Variants in ROR2 observed in about 807,000 individuals in gnomAD.
ROR2 encodes the protein tyrosine-protein kinase transmembrane receptor ROR2.
ROR2 carries 33 observed loss-of-function variants against 74.9 expected under a neutral mutation model. That is an observed-to-expected ratio of 0.44 (90% CI 0.33 to 0.59). ROR2 has a LOEUF of 0.59. ROR2 is among the 20% of genes least tolerant of loss of function. The pLI is 0.02. For synonymous variants in ROR2, 586 were observed against 558.7 expected (o/e 1.05, Z -0.69); for missense variants, 1,216 against 1,313.8 (o/e 0.93, Z 1.15).
intron 1 of ROR2, among the ~76,000 whole-genome samples, chr9:91,932,614 AG>A (rs1831577360): frequency 6.6e-6 from 1 of 152,070 alleles, no homozygotes; most frequent in Non-Finnish European, 1.5e-5. Context: ...CAGTGAGCCA[AG>A]ATTGCGCCAT....
At chr9:91,891,807 G>A (rs1369271339) in intron 1 of ROR2, among the ~76,000 whole-genome samples, 1 of 151,986 alleles carries the variant, frequency 6.6e-6, no homozygotes, top group Non-Finnish European at 1.5e-5. Flanking sequence ...CAGCACTTTA[G>A]GAGGCCAAGA....
At chr9:91,874,326 C>T (rs897551771) in intron 1 of ROR2, among the ~76,000 whole-genome samples, 4 of 152,244 alleles carry the variant, frequency 2.6e-5, no homozygotes, top group Non-Finnish European at 5.9e-5. Flanking sequence ...AAGTGGCACA[C>T]GTGTCCCAGG....
chr9:91,737,482 G>A lies in ROR2; in HGVS notation c.531C>T (p.Tyr177=), dbSNP rs762437556. 2 of 1,614,154 alleles carry A rather than the reference G, an allele frequency of 1.2e-6. No individual in the cohort carries two copies. Among genetic ancestry groups the A allele is most frequent in the South Asian group, 2.2e-5 (2 of 91,078 alleles). ...TGAAGCGTGCACAGGCAATTCCCCG[G>A]TAAGGCTGGCAGAACCCATCCTCGT... is the stretch of plus-strand genomic sequence containing the variant. ...DYHEDGFCQP[Y]RGIACARFIG... The change falls in exon 5 of 9, where the codon TAC becomes TAT. Residue 177 remains tyrosine (Y), a synonymous_variant. Transcript: ENST00000375708.
rs5899143 is a variant in ROR2, at chr9:91,845,877, C to CAAAAA, written c.98-70064_98-70060dup. On this transcript the variant is annotated intron_variant, in intron 1 of 8. Transcript: ENST00000375708. ...TGGGCAACAGAGCAAGAATCCATCTCAAAAAAAAAAAAAAAAAAAAAAAAA... is the reference window on the plus strand; with the variant it reads ...TGGGCAACAGAGCAAGAATCCATCTCAAAAAAAAAAAAAAAAAAAAAAAAAAAAAA... 3.4e-3 allele frequency among the ~76,000 whole-genome samples: 115 copies of CAAAAA among 33,898 alleles called. 4 individuals carry two copies. Among genetic ancestry groups the CAAAAA allele is most frequent in the Non-Finnish European group, 4.3e-3 (64 of 14,754 alleles). 22.2% of individuals were successfully genotyped at this position (33,898 alleles called of 152,430 possible).
intron 1 of ROR2, among the ~76,000 whole-genome samples, chr9:91,870,717 A>G (rs542909595): frequency 1.3e-5 from 2 of 152,390 alleles, no homozygotes; most frequent in Non-Finnish European, 2.9e-5. Flanking sequence ...ATATTTCAAC[A>G]AATCTGGACT....
intron 1 of ROR2, among the ~76,000 whole-genome samples, chr9:91,810,430 T>C (rs1827712340): frequency 6.6e-6 from 1 of 152,092 alleles, no homozygotes; most frequent in Non-Finnish European, 1.5e-5. Context: ...TGCCTTCTGC[T>C]TGAACAGATG....
At position 91,946,362 on chromosome 9, in the gene ROR2, C is replaced by G. The variant is rs543714345; in HGVS notation, c.97+3505G>C. 2.4e-3 allele frequency among the ~76,000 whole-genome samples: 367 copies of G among 152,324 alleles called. 1 individual carries two copies. The highest frequency in any genetic ancestry group is 7.5e-3 in the African/African-American group (311 of 41,576). On this transcript the variant is annotated intron_variant, in intron 1 of 8. Coordinates refer to ENST00000375708, the MANE Select transcript of ROR2 (RefSeq NM_004560.4). The stretch of plus-strand genomic sequence containing the variant: ...GGCAAGAGCAAGGAAGAGCCCGCCC[C>G]GAGGAGCCCCCAAGGAGGCACCTCA...
At chr9:91,936,902 C>T (rs1237413232) in intron 1 of ROR2, among the ~76,000 whole-genome samples, 5 of 149,326 alleles carry the variant, frequency 3.3e-5, no homozygotes, top group African/African-American at 7.4e-5. Context: ...TAGTGGCGGG[C>T]GCCTGTAGTC....
intron 1 of ROR2, among the ~76,000 whole-genome samples, chr9:91,879,480 G>T (rs1461553099): frequency 6.6e-6 from 1 of 151,216 alleles, no homozygotes; most frequent in Non-Finnish European, 1.5e-5. Context: ...AAATTCAAAA[G>T]TCACAAGAGT....
intron 7 of ROR2, 70 bp from the exon 8 acceptor site, chr9:91,726,813 C>T (rs1466431172): frequency 6.8e-7 from 1 of 1,474,420 alleles, no homozygotes; most frequent in Non-Finnish European, 9.4e-7. Context: ...TCTACCAACC[C>T]ACTCTCCACC....
intron 1 of ROR2, among the ~76,000 whole-genome samples, chr9:91,870,122 G>A (rs1829752841): frequency 6.7e-6 from 1 of 150,264 alleles, no homozygotes; most frequent in Admixed American, 6.6e-5. Context: ...TATGATCTCT[G>A]CCTGCTTTGA....
At chr9:91,742,937 T>A in intron 4 of ROR2, among the ~76,000 whole-genome samples, 1 of 152,202 alleles carries the variant, frequency 6.6e-6, no homozygotes. Flanking sequence ...ACAAATACCA[T>A]TACGTTACTG....
intron 1 of ROR2, among the ~76,000 whole-genome samples, chr9:91,838,116 G>A (rs1045936449): frequency 3.9e-5 from 6 of 152,252 alleles, no homozygotes; most frequent in South Asian, 2.1e-4. Flanking sequence ...AATCTTTACC[G>A]TGTTCCTTAA....
chr9:91,867,142 C>T (rs1829658246), intron 1 of ROR2, among the ~76,000 whole-genome samples: 1 of 152,156 alleles, frequency 6.6e-6, no homozygotes, highest in Admixed American at 6.5e-5. Context: ...CAGGTTTGAA[C>T]TTAACATAGT....
intron 1 of ROR2, among the ~76,000 whole-genome samples, chr9:91,938,488 T>C (rs999152281): frequency 6.6e-6 from 1 of 151,968 alleles, no homozygotes; most frequent in Non-Finnish European, 1.5e-5. Context: ...CCAGATGTGA[T>C]GTGCACACCT....
chr9:91,789,800 G>C (rs1826913517), intron 1 of ROR2, among the ~76,000 whole-genome samples: 1 of 152,036 alleles, frequency 6.6e-6, no homozygotes, highest in South Asian at 2.1e-4. Flanking sequence ...AAAACAAGTA[G>C]CAAAATGGTA....
At chr9:91,898,120 A>T (rs982320233) in intron 1 of ROR2, among the ~76,000 whole-genome samples, 1 of 152,156 alleles carries the variant, frequency 6.6e-6, no homozygotes, top group African/African-American at 2.4e-5. Context: ...CCTCATGGTC[A>T]CCGGTTCTGG....
chr9:91,948,002 G>A (rs1225641487), intron 1 of ROR2, among the ~76,000 whole-genome samples: 1 of 147,996 alleles, frequency 6.8e-6, no homozygotes, highest in Non-Finnish European at 1.5e-5. Flanking sequence ...TATTTCACTA[G>A]AAAAAGAACA....
intron 1 of ROR2, among the ~76,000 whole-genome samples, chr9:91,800,715 C>T (rs1399724027): frequency 6.6e-6 from 1 of 152,242 alleles, no homozygotes; most frequent in Non-Finnish European, 1.5e-5. Flanking sequence ...CCACGCACTG[C>T]TGTTGTCCTC....
Sources: allele counts gnomAD v4.1 joint callset (sites outside exome capture counted in the v4.1 genomes callset), GRCh38; gene constraint gnomAD v4.1.1; transcripts MANE v1.5; gene names NCBI Gene and HGNC (gene_info 2026-07-23, HGNC 2026-07-21).